ZNF566: variants seen among roughly 807,000 people sequenced by gnomAD.
ZNF566 encodes zinc finger protein 566.
A neutral mutation model predicts 32.8 loss-of-function variants in ZNF566; 27 were observed. That is an observed-to-expected ratio of 0.82 (90% CI 0.61 to 1.14). ZNF566 has a LOEUF of 1.14. Ranked by LOEUF, ZNF566 falls within the 50% of genes most tolerant of loss-of-function variation. ZNF566 has a pLI of 0.00. For missense variants in ZNF566, 402 were observed against 490.4 expected (o/e 0.82, Z 1.70); for synonymous variants, 154 against 159.5 (o/e 0.97, Z 0.26).
intron 4 of ZNF566, among the ~76,000 whole-genome samples, chr19:36,468,483 G>A (rs2033682889): frequency 6.6e-6 from 1 of 151,544 alleles, no homozygotes; most frequent in Non-Finnish European, 1.5e-5. Context: ...CTGCATGCCT[G>A]TAATTCTCAC....
At position 36,464,076 on chromosome 19, in the gene ZNF566, T is replaced by C. The variant is rs552390561; in HGVS notation, c.232+8835A>G. On this transcript the variant is annotated intron_variant, in intron 4 of 4. Coordinates refer to ENST00000452939, the MANE Select transcript of ZNF566 (RefSeq NM_001145344.1). The stretch of plus-strand genomic sequence containing the variant: ...AAAACTCAACATTTTAAATAAAACA[T>C]AAAGTAATTTTTAATACTATATGAA... Among the ~76,000 whole-genome samples, 3 of 152,140 alleles carry C rather than the reference T, an allele frequency of 2.0e-5. No individual in the cohort carries two copies. The East Asian group carries it at 5.8e-4, about 29-fold the overall frequency.
intron 4 of ZNF566, among the ~76,000 whole-genome samples, chr19:36,453,228 A>T (rs1355280928): frequency 6.6e-6 from 1 of 151,908 alleles, no homozygotes; most frequent in Non-Finnish European, 1.5e-5. Context: ...TAATCTCAGG[A>T]CTTTGGGAGG....
Position 36,448,714 on chromosome 19 carries a change from T to TAAAAAAG in ZNF566, c.*262_*263insCTTTTTT. 1 of 296,052 alleles carries TAAAAAAG rather than the reference T, an allele frequency of 3.4e-6. No homozygotes were observed. Among genetic ancestry groups the TAAAAAAG allele is most frequent in the Non-Finnish European group, 6.2e-6 (1 of 161,670 alleles). The allele number at this position is 296,052 out of a possible 1,614,324, so 18.3% of individuals were successfully genotyped here. ...AAAGGTGTTAAAAGTGCTGTCATTT[T>TAAAAAAG]CAGTATGACAGACTGAATTATCTAT... is the stretch of plus-strand genomic sequence containing the variant. On this transcript the variant is annotated 3_prime_UTR_variant, in exon 5 of 5. Transcript: ENST00000452939.
At chr19:36,489,007 A>G (rs1469538378) in intron 1 of ZNF566, among the ~76,000 whole-genome samples, 3 of 152,152 alleles carry the variant, frequency 2.0e-5, no homozygotes, top group Non-Finnish European at 2.9e-5. Flanking sequence ...CCGAGGAGGC[A>G]GTCACAGTCA....
intron 1 of ZNF566, among the ~76,000 whole-genome samples, chr19:36,480,746 G>T (rs748986866): frequency 6.6e-6 from 1 of 151,238 alleles, no homozygotes; most frequent in African/African-American, 2.4e-5. Flanking sequence ...TAAAAGCTTC[G>T]GGGCCAGGCG....
At position 36,447,772 on chromosome 19, in the gene ZNF566, A is replaced by T. The variant is rs184301197; in HGVS notation, c.*1205T>A. ...AGTACTTTCCCCCCCAACACCTAGG[A>T]TTATTTCATGTTCAATAGTAAGTAC... On this transcript the variant is annotated 3_prime_UTR_variant, in exon 5 of 5. Transcript: ENST00000452939. 2.0e-5 allele frequency: 3 copies of T among 152,194 alleles called. No individual in the cohort carries two copies. Among genetic ancestry groups the T allele is most frequent in the East Asian group, 1.9e-4 (1 of 5,186 alleles). The allele number at this position is 152,194 out of a possible 1,614,324, so 9.4% of individuals were successfully genotyped here.
At chr19:36,484,640 G>A (rs2034112937) in intron 1 of ZNF566, among the ~76,000 whole-genome samples, 1 of 148,206 alleles carries the variant, frequency 6.7e-6, no homozygotes. Flanking sequence ...CCCAGGCTGG[G>A]GTGCAGTGGC....
intron 4 of ZNF566, among the ~76,000 whole-genome samples, chr19:36,471,754 T>TAAA (rs2033771628): frequency 6.6e-6 from 1 of 152,100 alleles, no homozygotes; most frequent in African/African-American, 2.4e-5. Context: ...TTCTTTTTTT[T>TAAA]CTTTTTTTGA....
Position 36,448,899 on chromosome 19 carries a change from G to A in ZNF566, c.*78C>T. ...AAATGTTTCTACATTATTCTATCTA[G>A]AGGAATTATTAACAAGATAAATTCT... is the stretch of plus-strand genomic sequence containing the variant. On this transcript the variant is annotated 3_prime_UTR_variant, in exon 5 of 5. Coordinates refer to ENST00000452939, the MANE Select transcript of ZNF566 (RefSeq NM_001145344.1). 8.3e-7 allele frequency: 1 copy of A among 1,204,882 alleles called. No homozygotes were observed. The highest frequency in any genetic ancestry group is 1.1e-6 in the Non-Finnish European group (1 of 874,560). The allele number at this position is 1,204,882 out of a possible 1,614,324, so 74.6% of individuals were successfully genotyped here.
rs141787517 is a variant in ZNF566 at position 36,462,785 on chromosome 19, G to A, written c.232+10126C>T. On this transcript the variant is annotated intron_variant, in intron 4 of 4. Transcript: ENST00000452939. ...ATCCTGGCTAACGCGGTGAAACCCC[G>A]CCTCTACTAAAAATACAAAAAATTA... Among the ~76,000 whole-genome samples, 406 of 150,910 alleles carry A rather than the reference G, an allele frequency of 2.7e-3. 2 individuals are homozygous for A. The highest frequency in any genetic ancestry group is 9.2e-3 in the African/African-American group (378 of 41,138).
intron 1 of ZNF566, among the ~76,000 whole-genome samples, chr19:36,480,778 C>T (rs2034008457): frequency 6.6e-6 from 1 of 151,724 alleles, no homozygotes; most frequent in Non-Finnish European, 1.5e-5. Context: ...GCCTGTAATC[C>T]CAGCACTTTG....
chr19:36,476,116 G>A (rs1294597878), intron 2 of ZNF566: 3 of 152,874 alleles, frequency 2.0e-5, no homozygotes, highest in African/African-American at 7.3e-5. Flanking sequence ...GGCCAGCCTG[G>A]ACAACATGGC....
intron 1 of ZNF566, among the ~76,000 whole-genome samples, chr19:36,488,998 C>G (rs2034242292): frequency 6.6e-6 from 1 of 152,072 alleles, no homozygotes; most frequent in Non-Finnish European, 1.5e-5. Context: ...GCACGCTTAC[C>G]GAGGAGGCAG....
At chr19:36,464,387 G>A (rs2033559718) in intron 4 of ZNF566, among the ~76,000 whole-genome samples, 1 of 151,838 alleles carries the variant, frequency 6.6e-6, no homozygotes. Context: ...GAATTCCTGG[G>A]CTCAAGCAAC....
intron 1 of ZNF566, among the ~76,000 whole-genome samples, chr19:36,479,409 T>C (rs2033971703): frequency 6.6e-6 from 1 of 152,160 alleles, no homozygotes; most frequent in Non-Finnish European, 1.5e-5. Flanking sequence ...AGACAATATA[T>C]AAAAATCAAT....
chr19:36,445,125 TG>T lies in ZNF566; in HGVS notation c.*3851del, dbSNP rs577986519. 1 of 152,254 alleles carries T rather than the reference TG, an allele frequency of 6.6e-6. No individual in the cohort carries two copies. Among genetic ancestry groups the T allele is most frequent in the East Asian group, 1.9e-4 (1 of 5,190 alleles). 9.4% of individuals were successfully genotyped at this position (152,254 alleles called of 1,614,324 possible). ...AAAATAAATGAGTCAAAAATTCTCATGAAGAAACATCTTTATTTCCAAATAA... is the reference window on the plus strand; with the variant it reads ...AAAATAAATGAGTCAAAAATTCTCATAAGAAACATCTTTATTTCCAAATAA... On this transcript the variant is annotated 3_prime_UTR_variant, in exon 5 of 5. Transcript: ENST00000452939.
intron 1 of ZNF566, among the ~76,000 whole-genome samples, chr19:36,479,301 CTA>C (rs1464541320): frequency 6.6e-6 from 1 of 152,126 alleles, no homozygotes; most frequent in Non-Finnish European, 1.5e-5. Flanking sequence ...AGAAAGAAAA[CTA>C]TCATTATTCA....
intron 4 of ZNF566, among the ~76,000 whole-genome samples, chr19:36,468,562 C>G (rs965216701): frequency 6.6e-6 from 1 of 151,376 alleles, no homozygotes; most frequent in South Asian, 2.1e-4. Flanking sequence ...ACCCAGATCA[C>G]GCCATTTCAC....
chr19:36,476,504 G>T, intron 2 of ZNF566, 45 bp downstream of exon 2: 2 of 1,532,704 alleles, frequency 1.3e-6, no homozygotes, highest in Non-Finnish European at 1.8e-6. Context: ...ACAGTTACTA[G>T]AAGTAAAAAT....
Sources: allele counts gnomAD v4.1 joint callset (sites outside exome capture counted in the v4.1 genomes callset), GRCh38; gene constraint gnomAD v4.1.1; transcripts MANE v1.5; gene names NCBI Gene and HGNC (gene_info 2026-07-23, HGNC 2026-07-21).